The following MAD1L1 variants were observed in gnomAD, a reference collection of about 807,000 sequenced individuals.
MAD1L1 encodes the protein mitotic spindle assembly checkpoint protein MAD1.
Under a neutral mutation model 96.9 loss-of-function variants are expected in MAD1L1, and 95 were observed. The observed-to-expected ratio is 0.98, with a 90% confidence interval of 0.83 to 1.16. The LOEUF (loss-of-function observed/expected upper bound fraction) is 1.16. MAD1L1 is among the 50% of genes most tolerant of loss of function. MAD1L1 has a pLI of 0.00. For missense variants in MAD1L1, 1,007 were observed against 954.4 expected, an observed-to-expected ratio of 1.06 and a Z score of -0.73; for synonymous variants, 473 against 396.6, an observed-to-expected ratio of 1.19 and a Z score of -2.29.
intron 12 of MAD1L1, among the ~76,000 whole-genome samples, chr7:2,020,257 G>T (rs568920227): frequency 3.3e-4 from 51 of 152,292 alleles, no homozygotes; most frequent in African/African-American, 1.1e-3. Context: ...CCATGATCGG[G>T]GGGGGCACTA....
At chr7:2,117,125 C>T (rs1264389567) in intron 11 of MAD1L1, among the ~76,000 whole-genome samples, 1 of 152,192 alleles carries the variant, frequency 6.6e-6, no homozygotes, top group Non-Finnish European at 1.5e-5. Context: ...GCAGGAAAGA[C>T]CAGAAGCAGC....
intron 10 of MAD1L1, among the ~76,000 whole-genome samples, chr7:2,153,626 G>A (rs1296073579): frequency 6.6e-6 from 1 of 152,188 alleles, no homozygotes; most frequent in Non-Finnish European, 1.5e-5. Flanking sequence ...CCACCGCTAT[G>A]GAACCCAGTA....
Position 2,097,824 on chromosome 7 carries a change from C to T in MAD1L1, c.1074-28486G>A, listed in dbSNP as rs530205000. On this transcript the variant is annotated intron_variant, in intron 11 of 18. Transcript: ENST00000265854. Reference sequence around the variant, plus strand: ...AGGCGTCTGGGACCCCTGGGAGCAGCGCCTGCATCGAGACTCAGCCCATTC... The same window carrying T: ...AGGCGTCTGGGACCCCTGGGAGCAGTGCCTGCATCGAGACTCAGCCCATTC... 1.8e-4 allele frequency among the ~76,000 whole-genome samples: 28 copies of T among 152,346 alleles called. No homozygotes were observed. In the South Asian group the frequency reaches 5.8e-3, roughly 32 times the overall value.
intron 10 of MAD1L1, among the ~76,000 whole-genome samples, chr7:2,209,393 C>G (rs1046606529): frequency 6.6e-6 from 1 of 152,224 alleles, no homozygotes; most frequent in African/African-American, 2.4e-5. Context: ...CAAAGGACGT[C>G]TGACCTCAAC....
At chr7:2,154,889 C>T (rs1417925464) in intron 10 of MAD1L1, among the ~76,000 whole-genome samples, 10 of 152,178 alleles carry the variant, frequency 6.6e-5, no homozygotes, top group Non-Finnish European at 1.2e-4. Context: ...TTCCGGCGCC[C>T]TCTTCTCGTA....
At chr7:2,222,776 G>C in intron 4 of MAD1L1, 22 bp from the exon 5 acceptor site, 1 of 1,560,396 alleles carries the variant, frequency 6.4e-7, no homozygotes, top group Non-Finnish European at 8.6e-7. Flanking sequence ...GCAAGAGTCA[G>C]ATGCCACGTG....
At chr7:1,918,668 C>G (rs1788576269) in intron 17 of MAD1L1, among the ~76,000 whole-genome samples, 1 of 152,226 alleles carries the variant, frequency 6.6e-6, no homozygotes, top group South Asian at 2.1e-4. Context: ...ATGGTGCTGG[C>G]CTTTATTACC....
chr7:1,984,353 T>G (rs78969871), intron 14 of MAD1L1, among the ~76,000 whole-genome samples: 1 of 152,268 alleles, frequency 6.6e-6, no homozygotes, highest in Non-Finnish European at 1.5e-5. Flanking sequence ...ACAATTAATC[T>G]TTGTGAATGT....
chr7:2,048,947 CTTATTT>C (rs1166428454), intron 12 of MAD1L1, among the ~76,000 whole-genome samples: 2 of 152,230 alleles, frequency 1.3e-5, no homozygotes, highest in African/African-American at 2.4e-5. Context: ...AGGGTCCCAT[CTTATTT>C]TTAATGTGAT....
At chr7:1,931,266 G>A (rs901237527) in intron 17 of MAD1L1, among the ~76,000 whole-genome samples, 13 of 152,122 alleles carry the variant, frequency 8.5e-5, no homozygotes, top group African/African-American at 2.4e-4. Context: ...TCACAGGAGC[G>A]AGGGCGCGTC....
At chr7:2,179,854 C>G (rs1791113310) in intron 10 of MAD1L1, among the ~76,000 whole-genome samples, 1 of 151,960 alleles carries the variant, frequency 6.6e-6, no homozygotes, top group South Asian at 2.1e-4. Flanking sequence ...ACCTGTAATT[C>G]CAGCTACTCG....
intron 18 of MAD1L1, among the ~76,000 whole-genome samples, chr7:1,871,326 T>C (rs1234495002): frequency 1.5e-4 from 20 of 133,610 alleles, no homozygotes; most frequent in South Asian, 2.6e-4. Context: ...CCTGCCACGC[T>C]GAACCCACCG....
chr7:2,158,378 G>T (rs1291066196), intron 10 of MAD1L1, among the ~76,000 whole-genome samples: 1 of 152,184 alleles, frequency 6.6e-6, no homozygotes, highest in African/African-American at 2.4e-5. Flanking sequence ...GAAAATGAAT[G>T]AAACAGCAAC....
chr7:2,218,117 C>G, intron 6 of MAD1L1, 74 bp from the exon 7 acceptor site: 1 of 1,159,132 alleles, frequency 8.6e-7, no homozygotes, highest in Non-Finnish European at 1.3e-6. Context: ...AGCCTGAGAC[C>G]CGCCCCAGCA....
chr7:1,941,123 CT>C (rs1191513159), intron 16 of MAD1L1, among the ~76,000 whole-genome samples: 1 of 151,266 alleles, frequency 6.6e-6, no homozygotes, highest in Non-Finnish European at 1.5e-5. Flanking sequence ...CATCCTCCTA[CT>C]TAGCAGATAG....
intron 12 of MAD1L1, among the ~76,000 whole-genome samples, chr7:2,043,763 G>A (rs796797710): frequency 1.3e-5 from 2 of 152,350 alleles, no homozygotes; most frequent in East Asian, 3.9e-4. Flanking sequence ...CCAGGCCCCA[G>A]GGAGCCCTGA....
Position 2,230,038 on chromosome 7 carries a change from A to G in MAD1L1, c.96T>C (p.Asp32=). The G allele has an allele frequency of 2.5e-6, 4 of 1,613,778 alleles. No individual in the cohort carries two copies. The highest frequency in any genetic ancestry group is 3.4e-6 in the Non-Finnish European group (4 of 1,179,968). Residue 32 remains aspartate (D), a synonymous_variant, in exon 3 of 19, where the codon GAT becomes GAC. Transcript: ENST00000265854. ...GAGAACCTGGGGCCGAGGTAGAAAT[A>G]TCCAGTCCAGAGCCTCCCTCCACAC... The part of the protein sequence containing the change: ...SQRVEGGSGL[D]ISTSAPGSLQ...
chr7:2,183,976 C>T (rs542953997), intron 10 of MAD1L1, among the ~76,000 whole-genome samples: 18 of 152,096 alleles, frequency 1.2e-4, no homozygotes, highest in Admixed American at 3.3e-4. Flanking sequence ...CTCAGCCGGG[C>T]GCAGTGGCTC....
intron 10 of MAD1L1, among the ~76,000 whole-genome samples, chr7:2,184,198 G>A (rs1448072106): frequency 6.6e-6 from 1 of 152,042 alleles, no homozygotes; most frequent in African/African-American, 2.4e-5. Flanking sequence ...CTTGCAGTGA[G>A]TGGAGATCGC....
Sources: gnomAD v4.1 joint callset for allele counts (sites outside exome capture counted in the v4.1 genomes callset) on GRCh38, gnomAD v4.1.1 for gene constraint, MANE v1.5 for transcripts, NCBI Gene and HGNC (gene_info 2026-07-23, HGNC 2026-07-21) for gene names.